SNRNP40: variants seen among roughly 807,000 people sequenced by gnomAD.
SNRNP40 encodes the protein U5 small nuclear ribonucleoprotein 40 kDa protein.
Under a neutral mutation model 45.8 loss-of-function variants are expected in SNRNP40, and 21 were observed. The ratio of observed to expected loss-of-function variants is 0.46; its 90% CI spans 0.32 to 0.66. The LOEUF (loss-of-function observed/expected upper bound fraction) is 0.66, where lower values mean the gene tolerates loss of function less well. SNRNP40 is among the 30% of genes least tolerant of loss of function. The pLI is 0.03. For synonymous variants in SNRNP40, 142 were observed against 163.8 expected (o/e 0.87, Z 1.01); for missense variants, 344 against 439.1 (o/e 0.78, Z 1.94).
rs901748529 is a variant in SNRNP40, at chr1:31,259,732, G to T, written c.*340C>A. 2 of 398,150 alleles carry T rather than the reference G, an allele frequency of 5.0e-6. No homozygotes were observed. Among genetic ancestry groups the T allele is most frequent in the African/African-American group, 3.8e-5 (1 of 26,022 alleles). 24.7% of individuals were successfully genotyped at this position (398,150 alleles called of 1,614,324 possible). A position where few individuals can be genotyped will look rare whatever the true frequency, so the allele number is the denominator to read the frequency against. ...AAAATGATATAGAGAAATACAGAAA[G>T]AAAATATCATACAAGCCAGTTACAA... On this transcript the variant is annotated 3_prime_UTR_variant, in exon 10 of 10. Coordinates refer to ENST00000263694, the MANE Select transcript of SNRNP40 (RefSeq NM_004814.3).
chr1:31,289,721 T>C (rs1646088643), intron 3 of SNRNP40, among the ~76,000 whole-genome samples: 1 of 152,222 alleles, frequency 6.6e-6, no homozygotes, highest in Admixed American at 6.5e-5. Context: ...ATAGCTAACA[T>C]TTTAAACATA....
chr1:31,295,515 A>G (rs1646141591), intron 1 of SNRNP40, among the ~76,000 whole-genome samples: 1 of 152,246 alleles, frequency 6.6e-6, no homozygotes, highest in Non-Finnish European at 1.5e-5. Context: ...AATCCCACAG[A>G]GAGGACAGCA....
rs79771997 is a variant in SNRNP40, at chr1:31,284,696, T to C, written c.532-3200A>G. ...AGCCATGGAACTTTAGGGAAGGTCATAGGCTTAACTTCAATCCTGTAGTCA... is the reference window on the plus strand; with the variant it reads ...AGCCATGGAACTTTAGGGAAGGTCACAGGCTTAACTTCAATCCTGTAGTCA... On this transcript the variant is annotated intron_variant, in intron 4 of 9. Coordinates refer to ENST00000263694, the MANE Select transcript of SNRNP40 (RefSeq NM_004814.3). 6.4e-4 allele frequency among the ~76,000 whole-genome samples: 98 copies of C among 152,348 alleles called. No homozygotes were observed. The East Asian group carries it at 0.017, about 27-fold the overall frequency.
At chr1:31,282,034 T>C (rs1646019848) in intron 4 of SNRNP40, 1 of 152,444 alleles carries the variant, frequency 6.6e-6, no homozygotes, top group African/African-American at 2.4e-5. Context: ...GGCAAACCCT[T>C]AATGAGGAAA....
intron 3 of SNRNP40, among the ~76,000 whole-genome samples, chr1:31,291,490 A>C (rs1325912483): frequency 6.6e-6 from 1 of 152,118 alleles, no homozygotes; most frequent in African/African-American, 2.4e-5. Context: ...GCTCAGGAGC[A>C]ATATAGCAAG....
rs762258461 is a variant in SNRNP40 at position 31,289,395 on chromosome 1, A to G, written c.390T>C (p.Asp130=). ...CACTATCCCACACAGCCACGGTTTT[A>G]TCTGTGGATGCTGAGAAAAGCATAC... ...DGSMLFSAST[D]KTVAVWDSET... The change falls in exon 4 of 10, where the codon GAT becomes GAC. Residue 130 remains aspartate, a synonymous_variant. Coordinates refer to ENST00000263694, the MANE Select transcript of SNRNP40 (RefSeq NM_004814.3). 1.9e-6 allele frequency: 3 copies of G among 1,614,048 alleles called. No homozygotes were observed.
intron 9 of SNRNP40, among the ~76,000 whole-genome samples, chr1:31,260,329 A>G (rs926740685): frequency 2.4e-4 from 36 of 152,126 alleles, no homozygotes; most frequent in Non-Finnish European, 1.3e-4. Flanking sequence ...ACTATGGGAA[A>G]TACATTATCA....
chr1:31,277,320 G>T (rs1569651407), intron 5 of SNRNP40, among the ~76,000 whole-genome samples: 1 of 152,178 alleles, frequency 6.6e-6, no homozygotes, highest in Non-Finnish European at 1.5e-5. Context: ...TTTGGATGAT[G>T]AAACTACAGT....
At chr1:31,280,771 T>TG (rs998979686) in intron 5 of SNRNP40, among the ~76,000 whole-genome samples, 42 of 151,556 alleles carry the variant, frequency 2.8e-4, no homozygotes, top group South Asian at 2.3e-3. Context: ...GCTACTGTTT[T>TG]TTTTTTTTTT....
At chr1:31,282,581 A>ATCTG (rs1481340815) in intron 4 of SNRNP40, 2 of 150,022 alleles carry the variant, frequency 1.3e-5, no homozygotes, top group Non-Finnish European at 3.0e-5. Flanking sequence ...CTATCTATCT[A>ATCTG]TCTATCTATC....
chr1:31,266,731 A>ATGAT (rs1342815257), intron 8 of SNRNP40, among the ~76,000 whole-genome samples: 1 of 152,220 alleles, frequency 6.6e-6, no homozygotes, highest in Admixed American at 6.5e-5. Context: ...ACAGCTCTGA[A>ATGAT]TCATCTCCAA....
rs766334220 is a variant in SNRNP40 at position 31,293,304 on chromosome 1, G to T, written c.186C>A (p.Leu62=). 1 of 1,613,830 alleles carries T rather than the reference G, an allele frequency of 6.2e-7. No individual in the cohort carries two copies. Among genetic ancestry groups the T allele is most frequent in the Non-Finnish European group, 8.5e-7 (1 of 1,179,942 alleles). ...CSSLQAPIML[L]SGHEGEVYCC... ...AGTAGACTTCCCCTTCATGTCCAGA[G>T]AGCAGCATGATTGGGGCTTGAAGGG... The change falls in exon 2 of 10, where the codon CTC becomes CTA. Residue 62 remains leucine (L), a synonymous_variant. Coordinates refer to ENST00000263694, the MANE Select transcript of SNRNP40 (RefSeq NM_004814.3).
intron 4 of SNRNP40, among the ~76,000 whole-genome samples, chr1:31,287,758 G>A (rs1646069881): frequency 6.6e-6 from 1 of 152,168 alleles, no homozygotes; most frequent in African/African-American, 2.4e-5. Flanking sequence ...CCAGCACTTT[G>A]GGAGGCCGAG....
intron 4 of SNRNP40, chr1:31,282,301 C>A (rs1026666866): frequency 5.3e-5 from 8 of 152,158 alleles, no homozygotes; most frequent in Non-Finnish European, 2.9e-5. Context: ...TAACTTGGAA[C>A]TTCCCTTGAA....
intron 5 of SNRNP40, among the ~76,000 whole-genome samples, chr1:31,280,609 G>A (rs1439163844): frequency 1.3e-5 from 2 of 152,128 alleles, no homozygotes; most frequent in African/African-American, 2.4e-5. Flanking sequence ...GGTCAAAGTC[G>A]TTAAGATCCC....
chr1:31,273,066 A>G (rs1030931991), intron 5 of SNRNP40, among the ~76,000 whole-genome samples: 4 of 152,200 alleles, frequency 2.6e-5, no homozygotes, highest in East Asian at 1.9e-4. Context: ...CTCCATCAGT[A>G]ACTCACTCAT....
chr1:31,266,723 A>G (rs1350042588), intron 8 of SNRNP40, among the ~76,000 whole-genome samples: 2 of 152,214 alleles, frequency 1.3e-5, no homozygotes, highest in African/African-American at 4.8e-5. Flanking sequence ...ACCCAGACAC[A>G]GCTCTGAATC....
intron 3 of SNRNP40, among the ~76,000 whole-genome samples, chr1:31,291,642 A>G (rs1646108114): frequency 6.6e-6 from 1 of 152,212 alleles, no homozygotes; most frequent in African/African-American, 2.4e-5. Flanking sequence ...GTGTCACTGC[A>G]CTCCAGCCTA....
chr1:31,261,562 T>G lies in SNRNP40; in HGVS notation c.991A>C (p.Asn331His). 6.2e-7 allele frequency: 1 copy of G among 1,613,972 alleles called. No homozygotes were observed. Among genetic ancestry groups the G allele is most frequent in the Non-Finnish European group, 8.5e-7 (1 of 1,179,908 alleles). Residue 331 changes from asparagine (N) to histidine (H), a missense_variant, in exon 9 of 10, where the codon AAT becomes CAT. This residue lies in a region of SNRNP40 where 254 missense variants were observed against 380.2 expected (regional missense o/e 0.67). Transcript: ENST00000263694. Reference sequence around the variant, plus strand: ...TCATCAGGGTGGAAAGCCACTTCATTGATGGAGCCAGCATGGCCGGGCAGC... The same window carrying G: ...TCATCAGGGTGGAAAGCCACTTCATGGATGGAGCCAGCATGGCCGGGCAGC... ...YKLPGHAGSI[N>H]EVAFHPDEPI...
Sources: allele counts gnomAD v4.1 joint callset (sites outside exome capture counted in the v4.1 genomes callset), GRCh38; gene constraint gnomAD v4.1.1; regional missense constraint gnomAD v4.1.1; transcripts MANE v1.5; gene names NCBI Gene and HGNC (gene_info 2026-07-23, HGNC 2026-07-21).